The following TLK1 variants were observed in gnomAD, a reference collection of about 807,000 sequenced individuals.
TLK1 encodes tousled like kinase 1.
Under a neutral mutation model 105.3 loss-of-function variants are expected in TLK1, and 24 were observed. That is an observed-to-expected ratio of 0.23 (90% CI 0.17 to 0.32). TLK1 has a LOEUF of 0.32. TLK1 is among the 10% of genes least tolerant of loss of function. TLK1 has a pLI of 1.00. For missense variants in TLK1, 558 were observed against 910.5 expected, an observed-to-expected ratio of 0.61 and a Z score of 4.98; for synonymous variants, 321 against 310.4, an observed-to-expected ratio of 1.03 and a Z score of -0.36.
intron 2 of TLK1, among the ~76,000 whole-genome samples, chr2:171,089,425 T>C (rs1435239975): frequency 6.6e-6 from 1 of 152,186 alleles, no homozygotes; most frequent in African/African-American, 2.4e-5. Context: ...AATCTACAAT[T>C]TACTTGAAAT....
intron 18 of TLK1, 120 bp from the exon 19 acceptor site, chr2:170,997,943 G>A: frequency 1.9e-6 from 1 of 523,678 alleles, no homozygotes. Context: ...ACTCCCATCA[G>A]TGAAAATCAT....
In TLK1 at chr2:171,003,273, C is replaced by CAAAA. The variant is rs777049271; in HGVS notation, c.1904+2870_1904+2873dup. Among the ~76,000 whole-genome samples the CAAAA allele has an allele frequency of 9.7e-3, 662 of 68,386 alleles. 122 individuals are homozygous for CAAAA. The highest frequency in any genetic ancestry group is 0.035 in the African/African-American group (431 of 12,196). The allele number at this position is 68,386 out of a possible 152,430, so 44.9% of individuals were successfully genotyped here. On this transcript the variant is annotated intron_variant, in intron 18 of 20. Transcript: ENST00000431350. ...TGGGCGACAGAGCAAGACTCCGTCT[C>CAAAA]AAAAAAAAAAAAAAAAAAAAAAAAA... is the stretch of plus-strand genomic sequence containing the variant.
chr2:171,187,985 A>G (rs1693067546), intron 1 of TLK1, among the ~76,000 whole-genome samples: 1 of 152,228 alleles, frequency 6.6e-6, no homozygotes. Flanking sequence ...TGAACTCTGG[A>G]CTGAATTACA....
At chr2:171,215,462 A>T (rs1329225022) in intron 1 of TLK1, among the ~76,000 whole-genome samples, 1 of 152,166 alleles carries the variant, frequency 6.6e-6, no homozygotes, top group East Asian at 1.9e-4. Flanking sequence ...CTGTGGCTGG[A>T]GTTAGGTCAC....
rs71401403 is a variant in TLK1, at chr2:171,101,346, C to CAAAAAAAAAAAAAAAA, written c.258+16377_258+16392dup. On this transcript the variant is annotated intron_variant, in intron 2 of 20. Transcript: ENST00000431350. ...GGACAACAAGAGTGAAACTCCGTCT[C>CAAAAAAAAAAAAAAAA]AAAAAAAAAAAAAAAAAAAGCCAGG... Among the ~76,000 whole-genome samples the CAAAAAAAAAAAAAAAA allele has an allele frequency of 7.9e-5, 5 of 63,488 alleles. 1 individual carries two copies. Among genetic ancestry groups the CAAAAAAAAAAAAAAAA allele is most frequent in the African/African-American group, 3.6e-4 (5 of 13,840 alleles). The allele number at this position is 63,488 out of a possible 152,430, so 41.7% of individuals were successfully genotyped here.
At chr2:171,059,908 C>G (rs375331928) in intron 4 of TLK1, 6 of 1,284,668 alleles carry the variant, frequency 4.7e-6, no homozygotes, top group Non-Finnish European at 6.8e-6. Flanking sequence ...GTAATGCTCA[C>G]TGGCCCGCTG....
At chr2:171,110,240 C>G (rs1463000899) in intron 2 of TLK1, among the ~76,000 whole-genome samples, 2 of 152,148 alleles carry the variant, frequency 1.3e-5, no homozygotes, top group Admixed American at 6.5e-5. Context: ...GAAGCCAAGG[C>G]AGGTGGATTA....
intron 1 of TLK1, among the ~76,000 whole-genome samples, chr2:171,218,098 A>G (rs1338853950): frequency 6.6e-6 from 1 of 152,090 alleles, no homozygotes; most frequent in Non-Finnish European, 1.5e-5. Context: ...CTAAAAATAC[A>G]AAAAAATTAG....
intron 4 of TLK1, among the ~76,000 whole-genome samples, chr2:171,060,517 A>G (rs1237958722): frequency 6.6e-6 from 1 of 152,232 alleles, no homozygotes; most frequent in Non-Finnish European, 1.5e-5. Flanking sequence ...GTATAAAGTC[A>G]TCATTATACA....
At chr2:171,088,243 G>A (rs1689068535) in intron 2 of TLK1, among the ~76,000 whole-genome samples, 1 of 152,042 alleles carries the variant, frequency 6.6e-6, no homozygotes, top group Non-Finnish European at 1.5e-5. Flanking sequence ...AAGGTAGGAG[G>A]ATCACTTGAG....
At chr2:171,175,354 A>G (rs1692801564) in intron 1 of TLK1, among the ~76,000 whole-genome samples, 1 of 152,236 alleles carries the variant, frequency 6.6e-6, no homozygotes, top group Non-Finnish European at 1.5e-5. Flanking sequence ...CTGAACATGT[A>G]CAGACTTTTC....
intron 1 of TLK1, among the ~76,000 whole-genome samples, chr2:171,138,411 A>G (rs1263921089): frequency 1.3e-5 from 2 of 152,228 alleles, no homozygotes; most frequent in African/African-American, 4.8e-5. Context: ...ATACTTATCT[A>G]AAAAATACTG....
intron 1 of TLK1, among the ~76,000 whole-genome samples, chr2:171,218,687 C>T (rs1693757514): frequency 1.3e-5 from 2 of 152,134 alleles, no homozygotes; most frequent in African/African-American, 4.8e-5. Context: ...TCTGGGGGGA[C>T]TAACCCTCAT....
At chr2:171,112,683 A>G (rs1456688421) in intron 2 of TLK1, among the ~76,000 whole-genome samples, 4 of 152,166 alleles carry the variant, frequency 2.6e-5, no homozygotes, top group African/African-American at 9.6e-5. Context: ...AATCTACAGA[A>G]CCAACAAACC....
rs1473386166 is a variant in TLK1 at position 171,160,854 on chromosome 2, G to C, written c.-426C>G. ...GCGTCGCCCGGGAGGCGGCGGCGGC[G>C]GGCTGTGGGTGGCGGCTGAGGCGGT... is the stretch of plus-strand genomic sequence containing the variant. On this transcript the variant is annotated 5_prime_UTR_variant, in exon 1 of 21. Coordinates refer to ENST00000431350, the MANE Select transcript of TLK1 (RefSeq NM_012290.5). The surrounding 1 kb of genome is among the most constrained non-coding windows in gnomAD (Gnocchi z 4.4). The C allele has an allele frequency of 6.3e-6, 2 of 315,202 alleles. No individual in the cohort carries two copies. The highest frequency in any genetic ancestry group is 5.5e-5 in the East Asian group (1 of 18,032). 19.5% of individuals were successfully genotyped at this position (315,202 alleles called of 1,614,324 possible). A position where few individuals can be genotyped will look rare whatever the true frequency, so the allele number is the denominator to read the frequency against.
chr2:171,011,814 T>C (rs1288345597), intron 13 of TLK1, among the ~76,000 whole-genome samples: 1 of 152,202 alleles, frequency 6.6e-6, no homozygotes, highest in Non-Finnish European at 1.5e-5. Flanking sequence ...TATTGGGAGT[T>C]ATAATCAAGC....
At chr2:171,046,114 G>C in intron 11 of TLK1, 60 bp downstream of exon 11, 1 of 1,340,730 alleles carries the variant, frequency 7.5e-7, no homozygotes, top group Non-Finnish European at 9.9e-7. Context: ...ACATCCATTA[G>C]TAACATTCAC....
chr2:171,084,277 T>A (rs1253289640), intron 2 of TLK1, among the ~76,000 whole-genome samples: 1 of 152,150 alleles, frequency 6.6e-6, no homozygotes, highest in African/African-American at 2.4e-5. Flanking sequence ...AGTGACTAAG[T>A]GGGAGGAGTC....
At position 171,020,602 on chromosome 2, in the gene TLK1, A is replaced by G. The variant is rs576340139; in HGVS notation, c.1237-5654T>C. Among the ~76,000 whole-genome samples, 11 of 152,154 alleles carry G rather than the reference A, an allele frequency of 7.2e-5. No homozygotes were observed. The South Asian group carries it at 2.3e-3, about 32-fold the overall frequency. On this transcript the variant is annotated intron_variant, in intron 12 of 20. Coordinates refer to ENST00000431350, the MANE Select transcript of TLK1 (RefSeq NM_012290.5). ...GGAAGGGCAGTGCAAAAAAACAATT[A>G]AGGAGAAAATTACTAATTTATTTCG...
Sources: allele counts gnomAD v4.1 joint callset (sites outside exome capture counted in the v4.1 genomes callset), GRCh38; gene constraint gnomAD v4.1.1; non-coding constraint Gnocchi (gnomAD v3.1); transcripts MANE v1.5; gene names NCBI Gene and HGNC (gene_info 2026-07-23, HGNC 2026-07-21).